Variants in QTGAL observed in about 807,000 individuals in gnomAD.
The protein encoded by QTGAL is queuosine-tRNA galactosyltransferase, also known as BGnT-like protein 1.
chr17:82,970,685 C>T, the QTGAL span, among the ~76,000 whole-genome samples: 21 of 76,086 alleles, frequency 2.8e-4, 3 homozygotes, highest in African/African-American at 9.8e-4. Flanking sequence ...GGCCGTGATG[C>T]GAGGCCTCTG....
the QTGAL span, among the ~76,000 whole-genome samples, chr17:83,028,673 T>C: frequency 6.6e-6 from 1 of 152,148 alleles, no homozygotes; most frequent in Non-Finnish European, 1.5e-5. Flanking sequence ...CACACTCTGC[T>C]GACGGGAAGG....
At chr17:82,951,849 G>A in the QTGAL span, among the ~76,000 whole-genome samples, 2 of 152,064 alleles carry the variant, frequency 1.3e-5, no homozygotes, top group South Asian at 2.1e-4. Flanking sequence ...CAGAACATTC[G>A]CATTTTATCA....
the QTGAL span, among the ~76,000 whole-genome samples, chr17:82,998,965 A>C: frequency 1.7e-4 from 1 of 5,764 alleles, no homozygotes; most frequent in South Asian, 4.0e-3. Context: ...GCTAAAATTA[A>C]AAAAAAAAAA....
chr17:82,970,625 G>A, the QTGAL span, among the ~76,000 whole-genome samples: 2 of 100,456 alleles, frequency 2.0e-5, no homozygotes. Flanking sequence ...CCCACCCGGC[G>A]TGGCCGCGAC....
the QTGAL span, among the ~76,000 whole-genome samples, chr17:82,997,930 A>AAAAAT: frequency 1.1e-4 from 14 of 131,632 alleles, no homozygotes; most frequent in South Asian, 9.3e-4. Flanking sequence ...TAAAAAAAAA[A>AAAAAT]ATATATATAT....
chr17:82,961,311 G>C, the QTGAL span: 31 of 1,331,160 alleles, frequency 2.3e-5, no homozygotes, highest in Non-Finnish European at 3.0e-5. Flanking sequence ...CAAAGAAACC[G>C]GTCTAGAGGC....
the QTGAL span, among the ~76,000 whole-genome samples, chr17:83,046,546 A>G: frequency 6.6e-6 from 1 of 152,268 alleles, no homozygotes; most frequent in Non-Finnish European, 1.5e-5. Context: ...CACACCCACT[A>G]GCATGGCTAT....
the QTGAL span, among the ~76,000 whole-genome samples, chr17:83,017,109 G>A: frequency 1.3e-5 from 2 of 152,240 alleles, no homozygotes; most frequent in East Asian, 1.9e-4. Flanking sequence ...AAAGACAAAC[G>A]CTGGTGTTGC....
the QTGAL span, among the ~76,000 whole-genome samples, chr17:83,008,973 A>G: frequency 6.6e-6 from 1 of 152,160 alleles, no homozygotes; most frequent in East Asian, 1.9e-4. Flanking sequence ...GGAAACTCAG[A>G]CTTGCAAGGT....
the QTGAL span, among the ~76,000 whole-genome samples, chr17:83,044,324 A>T: frequency 1.4e-4 from 21 of 152,224 alleles, no homozygotes; most frequent in African/African-American, 4.8e-4. Flanking sequence ...ATGTGAGGGC[A>T]GTTCAACATA....
At chr17:82,973,505 T>G in the QTGAL span, among the ~76,000 whole-genome samples, 1 of 152,118 alleles carries the variant, frequency 6.6e-6, no homozygotes, top group African/African-American at 2.4e-5. Flanking sequence ...GAAAAGCTTT[T>G]TCCAGCAGCA....
chr17:82,997,917 G>GT, the QTGAL span, among the ~76,000 whole-genome samples: 1 of 79,964 alleles, frequency 1.3e-5, no homozygotes, highest in Non-Finnish European at 2.2e-5. Context: ...AGGTTAATGG[G>GT]TTTAAAAAAA....
At chr17:83,037,193 G>A in the QTGAL span, among the ~76,000 whole-genome samples, 1 of 152,122 alleles carries the variant, frequency 6.6e-6, no homozygotes, top group Non-Finnish European at 1.5e-5. This position sits in a 1 kb window ranked among gnomAD's most constrained non-coding sequence, Gnocchi z 5.2. Context: ...TGTGCATTTC[G>A]GCCACACCCG....
the QTGAL span, chr17:82,949,606 A>G: frequency 6.6e-6 from 1 of 152,240 alleles, no homozygotes; most frequent in Non-Finnish European, 1.5e-5. Flanking sequence ...CGGTCGGCAG[A>G]GTGCAGGATA....
chr17:83,031,674 C>T, the QTGAL span, among the ~76,000 whole-genome samples: 2 of 152,230 alleles, frequency 1.3e-5, no homozygotes, highest in East Asian at 1.9e-4. Context: ...GTGACGAGAA[C>T]GGTGTGCAGG....
chr17:83,046,618 C>T, the QTGAL span, among the ~76,000 whole-genome samples: 1 of 152,214 alleles, frequency 6.6e-6, no homozygotes, highest in South Asian at 2.1e-4. Flanking sequence ...AACGTTCATA[C>T]ATTGCTGGTA....
At chr17:83,011,209 C>T in the QTGAL span, among the ~76,000 whole-genome samples, 3 of 152,216 alleles carry the variant, frequency 2.0e-5, no homozygotes, top group Non-Finnish European at 4.4e-5. Flanking sequence ...GGAGGAAGGA[C>T]GGGGGTTGGC....
chr17:82,977,718 A>G, the QTGAL span, among the ~76,000 whole-genome samples: 1 of 152,252 alleles, frequency 6.6e-6, no homozygotes, highest in Non-Finnish European at 1.5e-5. Flanking sequence ...GTGTTCAGGC[A>G]CTGGACGCAG....
the QTGAL span, among the ~76,000 whole-genome samples, chr17:82,950,428 GA>G: frequency 6.6e-6 from 1 of 152,200 alleles, no homozygotes; most frequent in Non-Finnish European, 1.5e-5. Flanking sequence ...CGGGGTTGGA[GA>G]GGGGGTCCCT....
Sources: gnomAD v4.1 joint callset for allele counts (sites outside exome capture counted in the v4.1 genomes callset) on GRCh38, gnomAD v4.1.1 for gene constraint, Gnocchi (gnomAD v3.1) non-coding constraint, MANE v1.5 for transcripts, NCBI Gene and HGNC (gene_info 2026-07-23, HGNC 2026-07-21) for gene names.